The following RAB38 variants were observed in gnomAD, a reference collection of about 807,000 sequenced individuals.
RAB38 encodes the protein ras-related protein Rab-38.
RAB38 carries 15 observed loss-of-function variants against 18.4 expected under a neutral mutation model. The ratio of observed to expected loss-of-function variants is 0.82; its 90% CI spans 0.55 to 1.26. The LOEUF (loss-of-function observed/expected upper bound fraction) is 1.26. Among genes scored for constraint, RAB38 ranks in the 50% most tolerant of loss-of-function variants. RAB38 has a pLI of 0.00. For synonymous variants in RAB38, 101 were observed against 104.4 expected (o/e 0.97, Z 0.20); for missense variants, 294 against 267.4 (o/e 1.10, Z -0.69).
chr11:88,063,550 G>A, the RAB38 span, among the ~76,000 whole-genome samples: 4 of 152,102 alleles, frequency 2.6e-5, no homozygotes, highest in South Asian at 4.1e-4. Flanking sequence ...AGAACCTTTC[G>A]CTACACCTAA....
the RAB38 span, among the ~76,000 whole-genome samples, chr11:87,905,624 A>G: frequency 1.3e-5 from 2 of 151,910 alleles, no homozygotes; most frequent in African/African-American, 4.8e-5. Context: ...TGAAGTTTCA[A>G]CAAGGTCTCT....
the RAB38 span, among the ~76,000 whole-genome samples, chr11:88,034,455 T>G: frequency 6.6e-6 from 1 of 152,244 alleles, no homozygotes; most frequent in Admixed American, 6.5e-5. Flanking sequence ...CTGTAACAGT[T>G]TACATTCCCA....
the RAB38 span, among the ~76,000 whole-genome samples, chr11:88,088,549 G>T: frequency 4.9e-3 from 743 of 151,978 alleles, 7 homozygotes; most frequent in African/African-American, 0.017. Context: ...TCATTTGTGG[G>T]TAAGGGCAAT....
At chr11:87,924,845 T>C in the RAB38 span, among the ~76,000 whole-genome samples, 1 of 152,016 alleles carries the variant, frequency 6.6e-6, no homozygotes, top group African/African-American at 2.4e-5. Flanking sequence ...CTGCATCTCA[T>C]TGCCTCTCAT....
intron 1 of RAB38, among the ~76,000 whole-genome samples, chr11:88,156,518 G>A (rs986957221): frequency 2.0e-5 from 3 of 151,994 alleles, no homozygotes; most frequent in South Asian, 2.1e-4. Flanking sequence ...CCTGGCCAAC[G>A]TAATGAAATC....
At chr11:88,038,313 C>T in the RAB38 span, among the ~76,000 whole-genome samples, 1 of 152,156 alleles carries the variant, frequency 6.6e-6, no homozygotes, top group Non-Finnish European at 1.5e-5. Context: ...TTTCAGAACC[C>T]AAGCTCAGAG....
At chr11:88,033,177 T>G in the RAB38 span, among the ~76,000 whole-genome samples, 2 of 148,808 alleles carry the variant, frequency 1.3e-5, no homozygotes, top group Non-Finnish European at 3.0e-5. Context: ...AACTGAACAA[T>G]GAGAACACAT....
At chr11:87,825,277 GAA>G in the RAB38 span, among the ~76,000 whole-genome samples, 1 of 152,078 alleles carries the variant, frequency 6.6e-6, no homozygotes, top group East Asian at 1.9e-4. Context: ...AAGGAGTTCA[GAA>G]AAAAGAGTCC....
At chr11:87,827,700 T>G in the RAB38 span, among the ~76,000 whole-genome samples, 1 of 152,176 alleles carries the variant, frequency 6.6e-6, no homozygotes, top group Admixed American at 6.6e-5. Context: ...GTTTTCCCAA[T>G]GCTAAAATAA....
chr11:87,974,533 A>C, the RAB38 span, among the ~76,000 whole-genome samples: 1 of 151,886 alleles, frequency 6.6e-6, no homozygotes, highest in Non-Finnish European at 1.5e-5. Flanking sequence ...CCTCAGGAAA[A>C]ATAAGATAGA....
the RAB38 span, among the ~76,000 whole-genome samples, chr11:87,813,297 G>A: frequency 5.4e-4 from 82 of 152,262 alleles, no homozygotes; most frequent in African/African-American, 9.1e-4. Context: ...GTACCCAGGC[G>A]TTAAGATAAT....
chr11:87,900,661 T>TAAGGA, the RAB38 span, among the ~76,000 whole-genome samples: 1 of 131,304 alleles, frequency 7.6e-6, no homozygotes, highest in South Asian at 2.6e-4. Context: ...GAAAGAAAGG[T>TAAGGA]AGGAAGGAAG....
the RAB38 span, among the ~76,000 whole-genome samples, chr11:87,808,479 A>C: frequency 1.1e-4 from 16 of 152,310 alleles, 1 homozygote; most frequent in Middle Eastern, 0.01. Context: ...CTCATATGTG[A>C]CATGTAAAAA....
chr11:88,061,119 C>T, the RAB38 span, among the ~76,000 whole-genome samples: 1 of 152,136 alleles, frequency 6.6e-6, no homozygotes, highest in African/African-American at 2.4e-5. Flanking sequence ...GTAATCATCA[C>T]AGATATAACA....
chr11:87,878,971 ATTTTTT>A, the RAB38 span, among the ~76,000 whole-genome samples: 1 of 133,780 alleles, frequency 7.5e-6, no homozygotes, highest in East Asian at 2.2e-4. Flanking sequence ...GCAATTACTG[ATTTTTT>A]TTTTTTTTTT....
At chr11:87,889,418 T>A in the RAB38 span, among the ~76,000 whole-genome samples, 11 of 152,070 alleles carry the variant, frequency 7.2e-5, no homozygotes, top group African/African-American at 2.6e-4. Flanking sequence ...ATCACCTCAT[T>A]GAAAAAGCCT....
At chr11:87,932,403 G>A in the RAB38 span, among the ~76,000 whole-genome samples, 9 of 152,146 alleles carry the variant, frequency 5.9e-5, no homozygotes, top group African/African-American at 2.2e-4. Flanking sequence ...TGGCAGAAAG[G>A]CATCATGAAG....
intron 1 of RAB38, among the ~76,000 whole-genome samples, chr11:88,150,955 T>C (rs568728536): frequency 2.6e-5 from 4 of 152,320 alleles, no homozygotes; most frequent in South Asian, 2.1e-4. Context: ...GTAAACTAGA[T>C]AGTCTCTACC....
At chr11:88,023,175 A>G in the RAB38 span, among the ~76,000 whole-genome samples, 1 of 152,204 alleles carries the variant, frequency 6.6e-6, no homozygotes, top group Admixed American at 6.5e-5. Flanking sequence ...TGAGAGAAAA[A>G]TGTTAGTTAA....
Sources: allele counts gnomAD v4.1 joint callset (sites outside exome capture counted in the v4.1 genomes callset), GRCh38; gene constraint gnomAD v4.1.1; transcripts MANE v1.5; gene names NCBI Gene and HGNC (gene_info 2026-07-23, HGNC 2026-07-21).